Variants in FUOM observed in about 807,000 individuals in gnomAD.
The protein encoded by FUOM is fucose mutarotase.
Under a neutral mutation model 18.3 loss-of-function variants are expected in FUOM, and 19 were observed. The ratio of observed to expected loss-of-function variants is 1.04; its 90% CI spans 0.73 to 1.53. The LOEUF is 1.53. Ranked by LOEUF, FUOM falls within the 40% of genes most tolerant of loss-of-function variation. The probability of loss-of-function intolerance (pLI) is 0.00; values close to 1 mark genes in which losing one functional copy is unlikely to be tolerated. For synonymous variants in FUOM, 102 were observed against 87.9 expected (o/e 1.16, Z -0.90); for missense variants, 210 against 200.9 (o/e 1.04, Z -0.27).
At chr10:133,354,444 C>T (rs528324396), downstream of FUOM, among the ~76,000 whole-genome samples, 2 of 152,272 alleles carry the variant, frequency 1.3e-5, no homozygotes, top group East Asian at 1.9e-4. Flanking sequence ...GGGACTTGCC[C>T]CCTCGAGCCC....
chr10:133,356,849 TC>T, intron 3 of FUOM, 93 bp downstream of exon 3: 1 of 1,457,426 alleles, frequency 6.9e-7, no homozygotes, highest in Non-Finnish European at 9.3e-7. Flanking sequence ...ACACATGGCT[TC>T]CCCCCACTCC....
chr10:133,355,726 G>T lies in FUOM; in HGVS notation c.398+12C>A. 6.2e-7 allele frequency: 1 copy of T among 1,612,722 alleles called. No individual in the cohort carries two copies. The highest frequency in any genetic ancestry group is 1.3e-5 in the African/African-American group (1 of 75,060). On this transcript the variant is annotated intron_variant, in intron 5 of 5. Coordinates refer to ENST00000278025, the MANE Select transcript of FUOM (RefSeq NM_001098483.3). Reference sequence around the variant, plus strand: ...GTGGGGATGGGGCAGGTCTGAGCCAGCTGGAACTCACCCCGTTGCCACAAC... The same window carrying T: ...GTGGGGATGGGGCAGGTCTGAGCCATCTGGAACTCACCCCGTTGCCACAAC...
chr10:133,357,661 G>A, intron 1 of FUOM: 1 of 506,294 alleles, frequency 2.0e-6, no homozygotes, highest in Non-Finnish European at 3.5e-6. Context: ...CCGAACCCTC[G>A]GGGGCAGCCC....
At position 133,355,394 on chromosome 10, in the gene FUOM, C is replaced by T. The variant is rs1418291552; in HGVS notation, c.441G>A (p.Val147=). Residue 147 remains valine, a synonymous_variant, in exon 6 of 6, where the codon GTG becomes GTA. Transcript: ENST00000278025. The part of the protein sequence containing the change: ...LYGNLILRKG[V]LALNPLL ...CCTACAGCAGGGGGTTGAGGGCAAG[C>T]ACCCCCTTCCTGAGGATGAGGTTTC... 1 of 1,608,436 alleles carries T rather than the reference C, an allele frequency of 6.2e-7. No individual in the cohort carries two copies. The highest frequency in any genetic ancestry group is 1.3e-5 in the African/African-American group (1 of 74,838).
At position 133,356,670 on chromosome 10, in the gene FUOM, G is replaced by C. The variant is rs200225089; in HGVS notation, c.294C>G (p.Tyr98Ter). ...RGLQTPVWTE[Y>*]ESILRRAGCV... ...AGCCGGCCCTGCGTAGGATGGACTCGTACTCCGTCCACACTGGGGTCTGCA... is the reference window on the plus strand; with the variant it reads ...AGCCGGCCCTGCGTAGGATGGACTCCTACTCCGTCCACACTGGGGTCTGCA... The change falls in exon 4 of 6, where the codon TAC (tyrosine) becomes TAG (stop). Residue 98 changes from tyrosine (Y) to a stop codon, truncating the protein, a stop_gained. Transcript: ENST00000278025. LOFTEE classifies it high-confidence loss of function. 1 of 1,599,088 alleles carries C rather than the reference G, an allele frequency of 6.3e-7. No homozygotes were observed. Among genetic ancestry groups the C allele is most frequent in the African/African-American group, 1.3e-5 (1 of 74,550 alleles).
At chr10:133,354,709 C>T (rs556864644), downstream of FUOM, among the ~76,000 whole-genome samples, 2 of 152,306 alleles carry the variant, frequency 1.3e-5, no homozygotes, top group South Asian at 4.1e-4. Flanking sequence ...CTGCCTGGCA[C>T]TGGACTCCAA....
chr10:133,357,613 CT>C, intron 1 of FUOM: 1 of 488,548 alleles, frequency 2.0e-6, no homozygotes, highest in Non-Finnish European at 3.6e-6. Flanking sequence ...CACCCAACCC[CT>C]GCCCCGGGAC....
In FUOM at chr10:133,357,267, G is replaced by C; in HGVS notation, c.86-12C>G. On this transcript the variant is annotated splice_polypyrimidine_tract_variant and intron_variant, in intron 1 of 5. Coordinates refer to ENST00000278025, the MANE Select transcript of FUOM (RefSeq NM_001098483.3). ...CAAGTCCGCAAGAACTAAACAGCCGGGAGGACAGCCCGTGTCGGCACCTAT... is the reference window on the plus strand; with the variant it reads ...CAAGTCCGCAAGAACTAAACAGCCGCGAGGACAGCCCGTGTCGGCACCTAT... The C allele has an allele frequency of 6.4e-7, 1 of 1,567,742 alleles. No homozygotes were observed. The highest frequency in any genetic ancestry group is 1.4e-5 in the African/African-American group (1 of 73,652).
Position 133,356,945 on chromosome 10 carries a change from G to C in FUOM, c.223C>G (p.Pro75Ala). 6.5e-7 allele frequency: 1 copy of C among 1,550,250 alleles called. No individual in the cohort carries two copies. The highest frequency in any genetic ancestry group is 8.7e-7 in the Non-Finnish European group (1 of 1,146,908). ...LLPLDTYVESPAAVMELVPSD... is the reference protein window; with the variant it reads ...LLPLDTYVESAAAVMELVPSD... ...TGCAGGGGCGACTCAGCCCTCACCGGACTCTCCACATAGGTGTCCAGGGGC... is the reference window on the plus strand; with the variant it reads ...TGCAGGGGCGACTCAGCCCTCACCGCACTCTCCACATAGGTGTCCAGGGGC... The change falls in exon 3 of 6, where the codon CCG (proline) becomes GCG (alanine). Residue 75 changes from proline to alanine, a missense_variant and splice_region_variant. Physicochemically the swap from Pro to Ala is conservative, Grantham distance 27. Transcript: ENST00000278025.
chr10:133,355,329 G>T lies in FUOM; in HGVS notation c.*41C>A. 6.4e-7 allele frequency: 1 copy of T among 1,556,550 alleles called. No individual in the cohort carries two copies. On this transcript the variant is annotated 3_prime_UTR_variant, in exon 6 of 6. Coordinates refer to ENST00000278025, the MANE Select transcript of FUOM (RefSeq NM_001098483.3). ...GAGTGGTGGTACTGGAGCTCAGGGT[G>T]CCCCCAGTTCCTCTTCCGGCCCAGG...
chr10:133,355,089 G>A, downstream of FUOM: 1 of 488,644 alleles, frequency 2.0e-6, no homozygotes, highest in Non-Finnish European at 3.7e-6. Flanking sequence ...GTACGTGGGG[G>A]CCACTCTGGA....
chr10:133,355,901 G>A (rs1457306164), intron 4 of FUOM, 90 bp from the exon 5 acceptor site: 2 of 1,082,208 alleles, frequency 1.8e-6, no homozygotes, highest in African/African-American at 3.1e-5. Flanking sequence ...AAGCAGGGAG[G>A]GCACCAGGAA....
At position 133,355,779 on chromosome 10, in the gene FUOM, A is replaced by T. The variant is rs140781267; in HGVS notation, c.357T>A (p.Phe119Leu). Residue 119 changes from phenylalanine (F) to leucine (L), a missense_variant, in exon 5 of 6, where the codon TTT becomes TTA. Physicochemically the swap from Phe to Leu is conservative, Grantham distance 22. Transcript: ENST00000278025. The part of the protein sequence containing the change: ...RALAKIERFE[F>L]YERAKKAFAV... ...CAAAAGCCTTCTTAGCCCGTTCATA[A>T]AACTCAAACCTCTCTATCTTTGCCA... is the stretch of plus-strand genomic sequence containing the variant. The T allele has an allele frequency of 1.9e-4, 304 of 1,613,128 alleles. No individual in the cohort carries two copies. Among genetic ancestry groups the T allele is most frequent in the Non-Finnish European group, 4.6e-5 (54 of 1,180,010 alleles).
chr10:133,353,076 A>C (rs983295418), downstream of FUOM, among the ~76,000 whole-genome samples: 9 of 152,304 alleles, frequency 5.9e-5, no homozygotes, highest in Middle Eastern at 6.8e-3. Context: ...CAGCTGAGAA[A>C]CAGAACCCAC....
chr10:133,357,000 C>T lies in FUOM; in HGVS notation c.168G>A (p.Pro56=), dbSNP rs1848825365. Residue 56 remains proline (P), a synonymous_variant, in exon 3 of 6, where the codon CCG becomes CCA. Coordinates refer to ENST00000278025, the MANE Select transcript of FUOM (RefSeq NM_001098483.3). ...GCTTCAGCACGGCCTCCAGGAGCTG[C>T]GGGATGCCCAGGCCTGGAGGGCAGA... The part of the protein sequence containing the change: ...MEIRADGLGI[P]QLLEAVLKLL... The T allele has an allele frequency of 1.9e-6, 3 of 1,550,052 alleles. No individual in the cohort carries two copies. Among genetic ancestry groups the T allele is most frequent in the Admixed American group, 2.0e-5 (1 of 50,994 alleles).
chr10:133,353,099 A>G (rs1382142532), downstream of FUOM, among the ~76,000 whole-genome samples: 1 of 152,172 alleles, frequency 6.6e-6, no homozygotes, highest in Non-Finnish European at 1.5e-5. Context: ...TGGGCTCCCT[A>G]CAGCAGGAGC....
In FUOM at chr10:133,357,264, C is replaced by A. The variant is rs199933601; in HGVS notation, c.86-9G>T. ...GTTCAAGTCCGCAAGAACTAAACAGCCGGGAGGACAGCCCGTGTCGGCACC... is the reference window on the plus strand; with the variant it reads ...GTTCAAGTCCGCAAGAACTAAACAGACGGGAGGACAGCCCGTGTCGGCACC... On this transcript the variant is annotated splice_polypyrimidine_tract_variant and intron_variant, in intron 1 of 5. Coordinates refer to ENST00000278025, the MANE Select transcript of FUOM (RefSeq NM_001098483.3). 7 of 1,569,740 alleles carry A rather than the reference C, an allele frequency of 4.5e-6. No individual in the cohort carries two copies. Among genetic ancestry groups the A allele is most frequent in the East Asian group, 2.4e-5 (1 of 41,766 alleles).
intron 5 of FUOM, 52 bp from the exon 6 acceptor site, chr10:133,355,488 G>A (rs757905897): frequency 8.1e-6 from 13 of 1,606,246 alleles, no homozygotes; most frequent in African/African-American, 6.7e-5. Flanking sequence ...CCAGGGTGCC[G>A]AGACCCTGCT....
chr10:133,357,688 G>T, intron 1 of FUOM: 1 of 519,486 alleles, frequency 1.9e-6, no homozygotes, highest in Non-Finnish European at 3.4e-6. Flanking sequence ...GAGGGCTCTC[G>T]GGCCGTCTGG....
Sources: gnomAD v4.1 joint callset for allele counts (sites outside exome capture counted in the v4.1 genomes callset) on GRCh38, gnomAD v4.1.1 for gene constraint, MANE v1.5 for transcripts, NCBI Gene and HGNC (gene_info 2026-07-23, HGNC 2026-07-21) for gene names.